Variants in MAN1C1 observed in about 807,000 individuals in gnomAD.
The protein encoded by MAN1C1 is mannosyl-oligosaccharide 1,2-alpha-mannosidase IC.
MAN1C1 carries 49 observed loss-of-function variants against 71.5 expected under a neutral mutation model. The observed-to-expected ratio is 0.69, with a 90% CI of 0.54 to 0.87. The LOEUF (loss-of-function observed/expected upper bound fraction) is 0.87, where lower values mean the gene tolerates loss of function less well. MAN1C1 is among the 40% of genes least tolerant of loss of function. The pLI is 0.00. For synonymous variants in MAN1C1, 352 were observed against 343.7 expected (o/e 1.02, Z -0.27); for missense variants, 743 against 835.0 (o/e 0.89, Z 1.36).
chr1:25,669,933 G>A (rs1057188092), intron 1 of MAN1C1, among the ~76,000 whole-genome samples: 1 of 152,222 alleles, frequency 6.6e-6, no homozygotes, highest in Non-Finnish European at 1.5e-5. Flanking sequence ...GAATCTGTCA[G>A]GAGAATGTTG....
Position 25,769,085 on chromosome 1 carries a change from C to T in MAN1C1, c.1142-2572C>T, listed in dbSNP as rs567161272. The stretch of plus-strand genomic sequence containing the variant: ...CACCACCCACACTCCCACACACACA[C>T]CTATCACCCACACTCCCTCCCACAC... On this transcript the variant is annotated intron_variant, in intron 7 of 11. Coordinates refer to ENST00000374332, the MANE Select transcript of MAN1C1 (RefSeq NM_020379.4). The surrounding 1 kb of genome is among the most constrained non-coding windows in gnomAD (Gnocchi z 4.8). Among the ~76,000 whole-genome samples, 2 of 146,620 alleles carry T rather than the reference C, an allele frequency of 1.4e-5. No homozygotes were observed. Among genetic ancestry groups the T allele is most frequent in the East Asian group, 4.2e-4 (2 of 4,788 alleles).
At chr1:25,672,144 A>C (rs1212925758) in intron 1 of MAN1C1, among the ~76,000 whole-genome samples, 1 of 152,214 alleles carries the variant, frequency 6.6e-6, no homozygotes, top group Non-Finnish European at 1.5e-5. Flanking sequence ...CCAGAGTCCA[A>C]AGGCCAGAGA....
At position 25,631,935 on chromosome 1, in the gene MAN1C1, C is replaced by T. The variant is rs2045387169; in HGVS notation, c.540+13598C>T. ...TACAGGTGCATGCCACTACGCACGGCTAATTTTTGTATTTTTTGTAGGATG... is the reference window on the plus strand; with the variant it reads ...TACAGGTGCATGCCACTACGCACGGTTAATTTTTGTATTTTTTGTAGGATG... On this transcript the variant is annotated intron_variant, in intron 1 of 11. Coordinates refer to ENST00000374332, the MANE Select transcript of MAN1C1 (RefSeq NM_020379.4). The surrounding 1 kb of genome is among the most constrained non-coding windows in gnomAD (Gnocchi z 4.2). Among the ~76,000 whole-genome samples the T allele has an allele frequency of 6.6e-6, 1 of 152,080 alleles. No homozygotes were observed. Among genetic ancestry groups the T allele is most frequent in the East Asian group, 1.9e-4 (1 of 5,196 alleles).
At position 25,753,527 on chromosome 1, in the gene MAN1C1, C is replaced by T. The variant is rs377535191; in HGVS notation, c.878C>T (p.Pro293Leu). 36 of 1,613,796 alleles carry T rather than the reference C, an allele frequency of 2.2e-5. No homozygotes were observed. Among genetic ancestry groups the T allele is most frequent in the Non-Finnish European group, 2.7e-5 (32 of 1,179,952 alleles). The change falls in exon 5 of 12, where the codon CCG becomes CTG. Residue 293 changes from proline to leucine, a missense_variant. Pro to Leu is a moderately conservative substitution (Grantham distance 98). Transcript: ENST00000374332. This position sits in a 1 kb window ranked among gnomAD's most constrained non-coding sequence, Gnocchi z 4.9. ...ATCAGGCTGGGAGAGAAGCTCCTGC[C>T]GGCGTTCAACACCCCCACGGGAATC... ...KAIRLGEKLL[P>L]AFNTPTGIPK...
intron 8 of MAN1C1, 76 bp downstream of exon 8, chr1:25,771,848 G>C: frequency 1.7e-6 from 2 of 1,147,930 alleles, no homozygotes; most frequent in South Asian, 2.6e-5. Context: ...CGAGGGTGCT[G>C]CGGGCAGCGG....
At chr1:25,618,376 C>T in intron 1 of MAN1C1, 39 bp downstream of exon 1, 2 of 1,562,696 alleles carry the variant, frequency 1.3e-6, no homozygotes, top group Non-Finnish European at 1.7e-6. Flanking sequence ...ACCAACTGCC[C>T]CCTCTAAGGA....
intron 2 of MAN1C1, among the ~76,000 whole-genome samples, chr1:25,710,613 G>A (rs772628836): frequency 1.8e-4 from 27 of 152,108 alleles, no homozygotes; most frequent in Non-Finnish European, 3.7e-4. Flanking sequence ...TGATTTTCAT[G>A]GAAACACTTG....
In MAN1C1 at chr1:25,778,028, C is replaced by T. The variant is rs911477587; in HGVS notation, c.1258-77C>T. ...CCCTTGCTACTGTCTCCAAAATGTT[C>T]ATTTTCCATCCTTTCCCCCCCTTCT... On this transcript the variant is annotated intron_variant, in intron 8 of 11. Transcript: ENST00000374332. This position sits in a 1 kb window ranked among gnomAD's most constrained non-coding sequence, Gnocchi z 5.5. 7.7e-6 allele frequency: 9 copies of T among 1,163,708 alleles called. No individual in the cohort carries two copies. The Admixed American group carries it at 2.2e-4, about 28-fold the overall frequency. The allele number at this position is 1,163,708 out of a possible 1,614,324, so 72.1% of individuals were successfully genotyped here.
intron 2 of MAN1C1, among the ~76,000 whole-genome samples, chr1:25,740,838 G>A (rs2047053792): frequency 1.3e-5 from 2 of 152,066 alleles, no homozygotes; most frequent in South Asian, 4.1e-4. Flanking sequence ...GGGCGGGGAG[G>A]AAGCCAGTGG....
chr1:25,618,089 A>AGCTGGG lies in MAN1C1; in HGVS notation c.293_298dup (p.Trp99_Ala100insGlyTrp). On this transcript the variant is annotated inframe_insertion, in exon 1 of 12. Transcript: ENST00000374332. The stretch of plus-strand genomic sequence containing the variant: ...GGCCCCGGGCGAGGATGACCCCAGC[A>AGCTGGG]GCTGGGCCAGTCCCCGCCGCAGGAA... 7 of 1,521,094 alleles carry AGCTGGG rather than the reference A, an allele frequency of 4.6e-6. No homozygotes were observed. The highest frequency in any genetic ancestry group is 2.6e-6 in the Non-Finnish European group (3 of 1,141,128). The allele number at this position is 1,521,094 out of a possible 1,614,324, so 94.2% of individuals were successfully genotyped here. A position where few individuals can be genotyped will look rare whatever the true frequency, so the allele number is the denominator to read the frequency against.
chr1:25,751,083 C>A (rs558518626), intron 4 of MAN1C1, among the ~76,000 whole-genome samples: 8 of 151,568 alleles, frequency 5.3e-5, no homozygotes, highest in Admixed American at 5.2e-4. Flanking sequence ...TCCCCCGTTT[C>A]CATCCATCTT....
rs376935144 is a variant in MAN1C1, at chr1:25,718,191, C to T, written c.638-28477C>T. On this transcript the variant is annotated intron_variant, in intron 2 of 11. Coordinates refer to ENST00000374332, the MANE Select transcript of MAN1C1 (RefSeq NM_020379.4). Reference sequence around the variant, plus strand: ...TGTTTTCTGTAGAGTTAATAATCGTCGTGTTTGTTTGATGCTTAGTTTGTC... The same window carrying T: ...TGTTTTCTGTAGAGTTAATAATCGTTGTGTTTGTTTGATGCTTAGTTTGTC... Among the ~76,000 whole-genome samples the T allele has an allele frequency of 3.2e-4, 49 of 152,232 alleles. 1 individual carries two copies. The highest frequency in any genetic ancestry group is 1.2e-3 in the African/African-American group (48 of 41,542).
At chr1:25,719,118 G>T (rs904118736) in intron 2 of MAN1C1, among the ~76,000 whole-genome samples, 3 of 148,614 alleles carry the variant, frequency 2.0e-5, no homozygotes, top group African/African-American at 4.9e-5. Context: ...TGTCGCCCAG[G>T]CTGGACTGCA....
chr1:25,700,030 C>T (rs183791183), intron 2 of MAN1C1, among the ~76,000 whole-genome samples: 115 of 152,318 alleles, frequency 7.5e-4, no homozygotes, highest in Non-Finnish European at 1.4e-3. Flanking sequence ...CAAAGAGCCC[C>T]GGAAGTATGT....
At chr1:25,770,522 C>CT (rs1288610290) in intron 7 of MAN1C1, among the ~76,000 whole-genome samples, 1 of 152,214 alleles carries the variant, frequency 6.6e-6, no homozygotes, top group Non-Finnish European at 1.5e-5. Context: ...GAGGCTCTGC[C>CT]TTTCACCAGC....
At chr1:25,762,268 G>A (rs932821022) in intron 6 of MAN1C1, among the ~76,000 whole-genome samples, 2 of 151,244 alleles carry the variant, frequency 1.3e-5, no homozygotes, top group African/African-American at 4.9e-5. Flanking sequence ...CTGGGACTAT[G>A]AGAATGTGCC....
rs1323881381 is a variant in MAN1C1 at position 25,735,930 on chromosome 1, A to G, written c.638-10738A>G. ...CCACTATGAAGCCAAAGCAAGTTAC[A>G]TGGAAAAGCACAAGGTTAATGGGAT... is the stretch of plus-strand genomic sequence containing the variant. On this transcript the variant is annotated intron_variant, in intron 2 of 11. Transcript: ENST00000374332. This position sits in a 1 kb window ranked among gnomAD's most constrained non-coding sequence, Gnocchi z 4.6. Among the ~76,000 whole-genome samples the G allele has an allele frequency of 6.6e-6, 1 of 152,240 alleles. No homozygotes were observed. The highest frequency in any genetic ancestry group is 2.4e-5 in the African/African-American group (1 of 41,462).
At chr1:25,661,906 ATAAACTG>A (rs1391667840) in intron 1 of MAN1C1, among the ~76,000 whole-genome samples, 5 of 152,258 alleles carry the variant, frequency 3.3e-5, no homozygotes, top group Non-Finnish European at 7.3e-5. Context: ...TATAAGCTCT[ATAAACTG>A]TAAAGCCAAA....
rs1050972139 is a variant in MAN1C1 at position 25,779,673 on chromosome 1, C to T, written c.1478-1267C>T. On this transcript the variant is annotated intron_variant, in intron 9 of 11. Transcript: ENST00000374332. The surrounding 1 kb of genome is among the most constrained non-coding windows in gnomAD (Gnocchi z 4.6). ...CGCCTGTAGCAGTGGCTCCTGCCTT[C>T]ACCCCACTAGCGACTTGGCAAAATG... 6.6e-6 allele frequency among the ~76,000 whole-genome samples: 1 copy of T among 151,864 alleles called. No homozygotes were observed. Among genetic ancestry groups the T allele is most frequent in the African/African-American group, 2.4e-5 (1 of 41,326 alleles).
Sources: gnomAD v4.1 joint callset for allele counts (sites outside exome capture counted in the v4.1 genomes callset) on GRCh38, gnomAD v4.1.1 for gene constraint, Gnocchi (gnomAD v3.1) non-coding constraint, MANE v1.5 for transcripts, NCBI Gene and HGNC (gene_info 2026-07-23, HGNC 2026-07-21) for gene names.